PARP4: variants seen among roughly 807,000 people sequenced by gnomAD.
PARP4 encodes protein mono-ADP-ribosyltransferase PARP4.
PARP4 carries 120 observed loss-of-function variants against 187.7 expected under a neutral mutation model. The ratio of observed to expected loss-of-function variants is 0.64; its 90% CI spans 0.55 to 0.74. PARP4 has a LOEUF of 0.74. PARP4 is among the 30% of genes least tolerant of loss of function. The pLI, the probability that PARP4 is intolerant of heterozygous loss-of-function variation, is 0.00. For synonymous variants in PARP4, 654 were observed against 740.9 expected (o/e 0.88, Z 1.90); for missense variants, 1,836 against 2,070.5 (o/e 0.89, Z 2.20).
chr13:24,450,664 C>G (rs867328187), intron 24 of PARP4, among the ~76,000 whole-genome samples: 3 of 152,148 alleles, frequency 2.0e-5, no homozygotes, highest in African/African-American at 7.2e-5. Flanking sequence ...GTCTCTACCC[C>G]TGGGAAGCTC....
At chr13:24,500,486 A>G in intron 3 of PARP4, 104 bp from the exon 4 acceptor site, 2 of 635,638 alleles carry the variant, frequency 3.1e-6, no homozygotes. Context: ...ATATCCTTAA[A>G]TTAGTTATAA....
rs1461293481 is a variant in PARP4 at position 24,464,654 on chromosome 13, G to C, written c.2133+4370C>G. Among the ~76,000 whole-genome samples the C allele has an allele frequency of 3.9e-5, 6 of 152,226 alleles. No individual in the cohort carries two copies. In the East Asian group the frequency reaches 1.2e-3, roughly 29 times the overall value. ...CTTACACAAAAAATAACTCGATACG[G>C]ACTAAAGACTTAAATATAAAACCAA... On this transcript the variant is annotated intron_variant, in intron 17 of 33. Coordinates refer to ENST00000381989, the MANE Select transcript of PARP4 (RefSeq NM_006437.4).
At chr13:24,501,082 GTCAGTACGGTA>G (rs1869250785) in intron 3 of PARP4, among the ~76,000 whole-genome samples, 1 of 152,198 alleles carries the variant, frequency 6.6e-6, no homozygotes, top group African/African-American at 2.4e-5. Context: ...ACCCTGCCAA[GTCAGTACGGTA>G]TCTAACACAT....
At chr13:24,447,818 A>C (rs917920640) in intron 25 of PARP4, among the ~76,000 whole-genome samples, 1 of 152,264 alleles carries the variant, frequency 6.6e-6, no homozygotes, top group Non-Finnish European at 1.5e-5. Flanking sequence ...CAGCAAGTGC[A>C]TGCAAAGATG....
chr13:24,472,314 C>A (rs1872759209), intron 15 of PARP4, among the ~76,000 whole-genome samples: 1 of 152,150 alleles, frequency 6.6e-6, no homozygotes, highest in Non-Finnish European at 1.5e-5. Flanking sequence ...TCCCATGAGC[C>A]CACAGCTGGG....
intron 9 of PARP4, 44 bp from the exon 10 acceptor site, chr13:24,490,872 CA>C: frequency 6.8e-7 from 1 of 1,469,174 alleles, no homozygotes; most frequent in African/African-American, 1.4e-5. Context: ...CACCACATAT[CA>C]AAATTAATAT....
chr13:24,475,737 C>T (rs1349448115), intron 14 of PARP4, 141 bp from the exon 15 acceptor site: 3 of 866,606 alleles, frequency 3.5e-6, no homozygotes, highest in Admixed American at 2.5e-5. Flanking sequence ...TTTTCAATAG[C>T]CAATTCTGAA....
intron 1 of PARP4, among the ~76,000 whole-genome samples, chr13:24,508,293 G>A (rs1187777376): frequency 1.3e-5 from 2 of 152,186 alleles, no homozygotes; most frequent in African/African-American, 2.4e-5. Context: ...GACATGGAGT[G>A]GCTGCTCAAG....
intron 2 of PARP4, 147 bp downstream of exon 2, chr13:24,503,498 A>G: frequency 5.4e-6 from 5 of 923,278 alleles, no homozygotes; most frequent in Non-Finnish European, 6.6e-6. Flanking sequence ...CAGCCTCCCA[A>G]TGGGCCATGT....
intron 24 of PARP4, 134 bp downstream of exon 24, chr13:24,452,272 C>T (rs767065079): frequency 4.9e-5 from 34 of 688,570 alleles, no homozygotes; most frequent in Admixed American, 2.2e-4. Context: ...GCTGGGAGCC[C>T]GGAGCCCCAT....
At chr13:24,432,852 G>A (rs1459565377) in intron 31 of PARP4, among the ~76,000 whole-genome samples, 2 of 152,128 alleles carry the variant, frequency 1.3e-5, no homozygotes, top group African/African-American at 2.4e-5. Context: ...TAACCTCAAC[G>A]GAGACAGAAT....
chr13:24,430,363 A>C (rs1198159237), intron 32 of PARP4, among the ~76,000 whole-genome samples: 1 of 152,166 alleles, frequency 6.6e-6, no homozygotes, highest in Non-Finnish European at 1.5e-5. Flanking sequence ...TTAAAAAAAA[A>C]ATCTCCAGGC....
chr13:24,473,823 C>T lies in PARP4; in HGVS notation c.1914+1649G>A, dbSNP rs149982053. Among the ~76,000 whole-genome samples the T allele has an allele frequency of 4.9e-3, 746 of 152,164 alleles. 8 individuals carry two copies. The highest frequency in any genetic ancestry group is 0.017 in the African/African-American group (716 of 41,504). The stretch of plus-strand genomic sequence containing the variant: ...GGTTGTTATTCATGAGACCCACCAG[C>T]CTCCCCTCCCTGTTCAGCTGTCCTC... On this transcript the variant is annotated intron_variant, in intron 15 of 33. Transcript: ENST00000381989.
chr13:24,459,301 C>T lies in PARP4; in HGVS notation c.2308G>A (p.Glu770Lys). The T allele has an allele frequency of 6.4e-7, 1 of 1,560,300 alleles. No homozygotes were observed. The highest frequency in any genetic ancestry group is 1.2e-5 in the South Asian group (1 of 84,896). ...CCTATTTCTTTTATACAAATCTTCTCTACTGTATCCTGTTAAAAGAAAAAT... is the reference window on the plus strand; with the variant it reads ...CCTATTTCTTTTATACAAATCTTCTTTACTGTATCCTGTTAAAAGAAAAAT... ...ALNENLQDTV[E>K]KICIKEIGTK... Residue 770 changes from glutamate (E) to lysine (K), a missense_variant, in exon 19 of 34, where the codon GAG becomes AAG. Physicochemically the swap from Glu to Lys is moderately conservative, Grantham distance 56. Around this residue, in one of 8 missense-constraint regions of PARP4, gnomAD observed 1,147 missense variants for 1,214.2 expected, o/e 0.94. Coordinates refer to ENST00000381989, the MANE Select transcript of PARP4 (RefSeq NM_006437.4).
intron 31 of PARP4, among the ~76,000 whole-genome samples, chr13:24,432,029 G>T (rs77112926): frequency 6.6e-6 from 1 of 152,096 alleles, no homozygotes; most frequent in East Asian, 1.9e-4. Flanking sequence ...ACCCGGCCGA[G>T]ATTTTTTTAA....
intron 27 of PARP4, 134 bp downstream of exon 27, chr13:24,446,546 AC>A: frequency 1.6e-6 from 1 of 629,716 alleles, no homozygotes; most frequent in South Asian, 1.9e-5. Context: ...AAGAAAGTTT[AC>A]GAATTTGTAT....
rs117991038 is a variant in PARP4 at position 24,494,827 on chromosome 13, T to C, written c.592-105A>G. On this transcript the variant is annotated intron_variant, in intron 6 of 33. Transcript: ENST00000381989. ...CCTTGACATGAAGAAGCTTAGAAAT[T>C]AGTTTTTTTCAAAGAATTACTTAAA... 211 of 725,576 alleles carry C rather than the reference T, an allele frequency of 2.9e-4. 1 individual carries two copies. The East Asian group carries it at 5.9e-3, about 20-fold the overall frequency. The allele number at this position is 725,576 out of a possible 1,614,324, so 44.9% of individuals were successfully genotyped here.
Position 24,483,268 on chromosome 13 carries a change from T to C in PARP4, c.1448+1385A>G, listed in dbSNP as rs943114959. Among the ~76,000 whole-genome samples, 6 of 151,408 alleles carry C rather than the reference T, an allele frequency of 4.0e-5. No homozygotes were observed. The South Asian group carries it at 1.0e-3, about 26-fold the overall frequency. ...TTGGGAGGCCGAGGCGGGTGGATCATGAGGTCAGGAGATCGAGACCATCCT... is the reference window on the plus strand; with the variant it reads ...TTGGGAGGCCGAGGCGGGTGGATCACGAGGTCAGGAGATCGAGACCATCCT... On this transcript the variant is annotated intron_variant, in intron 12 of 33. Transcript: ENST00000381989.
At chr13:24,508,513 A>G (rs146614778) in intron 1 of PARP4, among the ~76,000 whole-genome samples, 40 of 152,302 alleles carry the variant, frequency 2.6e-4, no homozygotes, top group African/African-American at 9.4e-4. Flanking sequence ...TTCTAGGTCT[A>G]TTATAACACT....
Sources: allele counts gnomAD v4.1 joint callset (sites outside exome capture counted in the v4.1 genomes callset), GRCh38; gene constraint gnomAD v4.1.1; regional missense constraint gnomAD v4.1.1; transcripts MANE v1.5; gene names NCBI Gene and HGNC (gene_info 2026-07-23, HGNC 2026-07-21).